FHOD3: variants seen among roughly 807,000 people sequenced by gnomAD.
The protein encoded by FHOD3 is FH1/FH2 domain-containing protein 3.
FHOD3 carries 90 observed loss-of-function variants against 173.0 expected under a neutral mutation model. The ratio of observed to expected loss-of-function variants is 0.52; its 90% CI spans 0.44 to 0.62. The LOEUF (loss-of-function observed/expected upper bound fraction) is 0.62, where lower values mean the gene tolerates loss of function less well. Ranked by LOEUF, FHOD3 falls within the 20% of genes least tolerant of loss-of-function variation. FHOD3 has a pLI of 0.00. For synonymous variants in FHOD3, 828 were observed against 823.0 expected (o/e 1.01, Z -0.10); for missense variants, 1,945 against 2,034.7 (o/e 0.96, Z 0.85).
At chr18:36,660,888 T>C (rs1264119396) in intron 14 of FHOD3, among the ~76,000 whole-genome samples, 1 of 152,244 alleles carries the variant, frequency 6.6e-6, no homozygotes, top group East Asian at 1.9e-4. Context: ...TACAGTACGC[T>C]GTTGCTGTAG....
intron 5 of FHOD3, among the ~76,000 whole-genome samples, chr18:36,536,104 G>T (rs145265797): frequency 5.9e-5 from 9 of 152,288 alleles, no homozygotes; most frequent in African/African-American, 2.2e-4. Flanking sequence ...GATTATAAAT[G>T]TTTATCTGTA....
chr18:36,519,958 T>TTTTTC (rs1349084781), intron 5 of FHOD3, among the ~76,000 whole-genome samples: 2 of 148,814 alleles, frequency 1.3e-5, no homozygotes, highest in Admixed American at 6.6e-5. Context: ...TTCTTTCATT[T>TTTTTC]TTTTTTTTTT....
At chr18:36,596,237 C>T (rs1482317629) in intron 7 of FHOD3, among the ~76,000 whole-genome samples, 1 of 151,428 alleles carries the variant, frequency 6.6e-6, no homozygotes, top group Admixed American at 6.6e-5. Context: ...TCACTGCAAG[C>T]TCCACCTCGT....
Position 36,718,103 on chromosome 18 carries a change from C to A in FHOD3, c.2805C>A (p.Gly935=). 1 of 1,600,122 alleles carries A rather than the reference C, an allele frequency of 6.2e-7. No individual in the cohort carries two copies. ...ATGTCGGCTGTTTGGACAATCGGGG[C>A]AGTGTGAAAGCATTTGCTGAGAAAT... The part of the protein sequence containing the change: ...RVDVGCLDNR[G]SVKAFAEKFN... Residue 935 remains glycine, a synonymous_variant, in exon 19 of 29, where the codon GGC becomes GGA. Transcript: ENST00000590592.
chr18:36,621,478 G>A (rs1037907007), intron 9 of FHOD3, among the ~76,000 whole-genome samples: 29 of 152,182 alleles, frequency 1.9e-4, no homozygotes, highest in African/African-American at 7.0e-4. Flanking sequence ...TGAGTGAGCT[G>A]AGTGGTCTAA....
At chr18:36,559,160 T>C (rs1001788370) in intron 5 of FHOD3, among the ~76,000 whole-genome samples, 9 of 152,154 alleles carry the variant, frequency 5.9e-5, no homozygotes, top group Non-Finnish European at 1.5e-5. Context: ...GTTGGATTCT[T>C]TGGGGGCTTA....
chr18:36,520,654 A>C (rs985727490), intron 5 of FHOD3, among the ~76,000 whole-genome samples: 1 of 152,206 alleles, frequency 6.6e-6, no homozygotes, highest in Non-Finnish European at 1.5e-5. Flanking sequence ...CATGCCTCCG[A>C]GTGCTTCAGC....
intron 17 of FHOD3, among the ~76,000 whole-genome samples, chr18:36,694,998 C>CGTGT (rs1491194269): frequency 3.1e-5 from 3 of 97,246 alleles, no homozygotes; most frequent in East Asian, 4.0e-4. Flanking sequence ...TGTGTGTGTG[C>CGTGT]GTGTGTGTGT....
chr18:36,774,919 G>A (rs1294127201), intron 28 of FHOD3, among the ~76,000 whole-genome samples: 2 of 152,094 alleles, frequency 1.3e-5, no homozygotes, highest in Non-Finnish European at 1.5e-5. Flanking sequence ...GAAAATTACC[G>A]GCCAGTTATT....
chr18:36,760,678 C>G lies in FHOD3; in HGVS notation c.4520C>G (p.Ala1507Gly). The change falls in exon 27 of 29, where the codon GCG becomes GGG. Residue 1507 changes from alanine (A) to glycine (G), a missense_variant. Coordinates refer to ENST00000590592, the MANE Select transcript of FHOD3 (RefSeq NM_001281740.3). ...QPQGLSYAEDAAEHENMKAVL... is the reference protein window; with the variant it reads ...QPQGLSYAEDGAEHENMKAVL... ...CAGGGTCTGAGCTATGCGGAGGACG[C>G]GGCTGAGCACGAGAACATGAAGGCT... 1 of 1,613,288 alleles carries G rather than the reference C, an allele frequency of 6.2e-7. No homozygotes were observed. Among genetic ancestry groups the G allele is most frequent in the Non-Finnish European group, 8.5e-7 (1 of 1,180,010 alleles).
intron 17 of FHOD3, among the ~76,000 whole-genome samples, chr18:36,705,982 T>C (rs1176964822): frequency 7.5e-6 from 1 of 133,972 alleles, no homozygotes; most frequent in Non-Finnish European, 1.6e-5. Flanking sequence ...TGTGTGTGTG[T>C]GTGTGTGTGC....
chr18:36,654,477 T>G (rs570322627), intron 13 of FHOD3, among the ~76,000 whole-genome samples: 1 of 152,342 alleles, frequency 6.6e-6, no homozygotes, highest in Non-Finnish European at 1.5e-5. Context: ...TTCAAAACCT[T>G]GGGGCTTTAG....
intron 3 of FHOD3, among the ~76,000 whole-genome samples, chr18:36,401,680 G>A (rs2048818215): frequency 6.6e-6 from 1 of 152,124 alleles, no homozygotes; most frequent in African/African-American, 2.4e-5. Context: ...ATGCTCTCTG[G>A]GCTTTTGGGA....
intron 24 of FHOD3, among the ~76,000 whole-genome samples, chr18:36,754,458 T>G (rs1007845770): frequency 2.6e-5 from 4 of 152,148 alleles, no homozygotes; most frequent in Non-Finnish European, 4.4e-5. Context: ...AAATAATGTT[T>G]AATAATTTTT....
intron 19 of FHOD3, among the ~76,000 whole-genome samples, chr18:36,724,537 A>G (rs2040956310): frequency 6.6e-6 from 1 of 152,106 alleles, no homozygotes; most frequent in South Asian, 2.1e-4. Flanking sequence ...GCCTCACCCT[A>G]GAGGGGCTCA....
At chr18:36,368,101 TTC>T (rs146735866) in intron 2 of FHOD3, among the ~76,000 whole-genome samples, 83 of 148,742 alleles carry the variant, frequency 5.6e-4, no homozygotes, top group Middle Eastern at 3.5e-3. Context: ...CCAGCTCCTA[TTC>T]TCTCTCTCTC....
intron 3 of FHOD3, among the ~76,000 whole-genome samples, chr18:36,448,606 G>C (rs1401006009): frequency 6.6e-6 from 1 of 152,146 alleles, no homozygotes; most frequent in Non-Finnish European, 1.5e-5. Flanking sequence ...CTCTGTGTGA[G>C]GGAGGGTTTT....
chr18:36,426,150 C>T (rs964439469), intron 3 of FHOD3, among the ~76,000 whole-genome samples: 11 of 152,058 alleles, frequency 7.2e-5, no homozygotes, highest in South Asian at 6.2e-4. Context: ...GTGATCCGCC[C>T]GCCTCAGCCT....
At chr18:36,476,851 A>G (rs1269503264) in intron 3 of FHOD3, among the ~76,000 whole-genome samples, 2 of 152,212 alleles carry the variant, frequency 1.3e-5, no homozygotes, top group Non-Finnish European at 2.9e-5. Flanking sequence ...CTCTTTGAGC[A>G]CTTTCTTTAC....
Sources: allele counts gnomAD v4.1 joint callset (sites outside exome capture counted in the v4.1 genomes callset), GRCh38; gene constraint gnomAD v4.1.1; transcripts MANE v1.5; gene names NCBI Gene and HGNC (gene_info 2026-07-23, HGNC 2026-07-21).